NT5DC1: variants seen among roughly 807,000 people sequenced by gnomAD.
NT5DC1 encodes the protein 5'-nucleotidase domain-containing protein 1.
A neutral mutation model predicts 59.4 loss-of-function variants in NT5DC1; 42 were observed. The ratio of observed to expected loss-of-function variants is 0.71; its 90% CI spans 0.55 to 0.92. The LOEUF (loss-of-function observed/expected upper bound fraction) is 0.92. Among genes scored for constraint, NT5DC1 ranks in the 40% least tolerant of loss-of-function variants. The pLI, the probability that NT5DC1 is intolerant of heterozygous loss-of-function variation, is 0.00. For missense variants in NT5DC1, 501 were observed against 537.1 expected, an observed-to-expected ratio of 0.93 and a Z score of 0.66; for synonymous variants, 172 against 188.1, an observed-to-expected ratio of 0.91 and a Z score of 0.70.
At chr6:116,128,671 A>G (rs1377339409) in intron 6 of NT5DC1, among the ~76,000 whole-genome samples, 1 of 152,116 alleles carries the variant, frequency 6.6e-6, no homozygotes, top group Non-Finnish European at 1.5e-5. Flanking sequence ...CTATACCCTT[A>G]AAGTGTTTAC....
At chr6:116,208,178 A>C (rs1346645728) in intron 6 of NT5DC1, among the ~76,000 whole-genome samples, 1 of 151,984 alleles carries the variant, frequency 6.6e-6, no homozygotes, top group Non-Finnish European at 1.5e-5. Flanking sequence ...TCAAAGCTAG[A>C]GAAGTCAACT....
intron 8 of NT5DC1, among the ~76,000 whole-genome samples, chr6:116,235,036 T>G (rs77731268): frequency 1.8e-4 from 2 of 11,184 alleles, no homozygotes; most frequent in Non-Finnish European, 2.4e-4. Context: ...TTGATTTGGG[T>G]TTTTTTTTTT....
chr6:116,115,559 C>T, intron 4 of NT5DC1, 132 bp from the exon 5 acceptor site: 1 of 432,590 alleles, frequency 2.3e-6, no homozygotes, highest in Non-Finnish European at 4.2e-6. Flanking sequence ...AATAATGGTG[C>T]CACTTTGAAT....
At chr6:116,160,181 AAATGCCCAT>A (rs1349769988) in intron 6 of NT5DC1, among the ~76,000 whole-genome samples, 1 of 152,130 alleles carries the variant, frequency 6.6e-6, no homozygotes, top group Non-Finnish European at 1.5e-5. Context: ...GTTATTTGAG[AAATGCCCAT>A]AATGTTTTCC....
intron 6 of NT5DC1, among the ~76,000 whole-genome samples, chr6:116,213,385 G>A (rs1420417117): frequency 6.6e-6 from 1 of 152,090 alleles, no homozygotes; most frequent in Non-Finnish European, 1.5e-5. Flanking sequence ...GGTAGCCTCA[G>A]ATTGGTTGCA....
intron 6 of NT5DC1, among the ~76,000 whole-genome samples, chr6:116,171,326 G>A (rs1285702822): frequency 2.6e-5 from 4 of 152,058 alleles, no homozygotes; most frequent in Non-Finnish European, 4.4e-5. Flanking sequence ...GACTAGAAAA[G>A]CATTATTTTG....
rs780457083 is a variant in NT5DC1 at position 116,248,942 on chromosome 6, G to A, written c.*4918G>A. The A allele has an allele frequency of 6.6e-5, 10 of 152,166 alleles. No homozygotes were observed. The highest frequency in any genetic ancestry group is 1.3e-4 in the Non-Finnish European group (9 of 68,036). The allele number at this position is 152,166 out of a possible 1,614,324, so 9.4% of individuals were successfully genotyped here. A position where few individuals can be genotyped will look rare whatever the true frequency, so the allele number is the denominator to read the frequency against. On this transcript the variant is annotated 3_prime_UTR_variant, in exon 12 of 12. Transcript: ENST00000319550. ...TGCTAATCTGTAACAAATAAGTGGC[G>A]CCAGCCTATTACAGTGAATGCTATT... is the stretch of plus-strand genomic sequence containing the variant.
At chr6:116,178,094 CGCGCGCGCGT>C (rs1310523534) in intron 6 of NT5DC1, among the ~76,000 whole-genome samples, 7 of 93,336 alleles carry the variant, frequency 7.5e-5, no homozygotes, top group African/African-American at 1.7e-4. Flanking sequence ...TGTGTGCGCG[CGCGCGCGCGT>C]GCGTGCGTGT....
chr6:116,136,828 G>A (rs1318669895), intron 6 of NT5DC1, among the ~76,000 whole-genome samples: 2 of 152,126 alleles, frequency 1.3e-5, no homozygotes, highest in South Asian at 2.1e-4. Flanking sequence ...ATTCAGATAC[G>A]AAACAGAATA....
chr6:116,232,908 T>C (rs1466194968), intron 8 of NT5DC1, among the ~76,000 whole-genome samples: 4 of 152,242 alleles, frequency 2.6e-5, no homozygotes, highest in Admixed American at 6.5e-5. Context: ...TTTGCCTAAA[T>C]TGATGGCTCC....
rs763500298 is a variant in NT5DC1 at position 116,125,420 on chromosome 6, A to G, written c.529+7475A>G. 4 of 1,613,908 alleles carry G rather than the reference A, an allele frequency of 2.5e-6. No individual in the cohort carries two copies. In the South Asian group the frequency reaches 4.4e-5, roughly 18 times the overall value. On this transcript the variant is annotated intron_variant, in intron 6 of 11. Coordinates refer to ENST00000319550, the MANE Select transcript of NT5DC1 (RefSeq NM_152729.3). ...CCTTTTATGCCTGTGGGCATTTGGT[A>G]TCGTTCAGCGTAAAACACTCCATGA...
intron 6 of NT5DC1, among the ~76,000 whole-genome samples, chr6:116,194,638 C>A (rs977406687): frequency 1.3e-5 from 2 of 151,964 alleles, no homozygotes; most frequent in Non-Finnish European, 1.5e-5. Flanking sequence ...AATGTGAATT[C>A]TCTTTATTTC....
intron 6 of NT5DC1, among the ~76,000 whole-genome samples, chr6:116,166,682 A>G (rs1780477731): frequency 6.6e-6 from 1 of 152,216 alleles, no homozygotes; most frequent in Admixed American, 6.5e-5. Flanking sequence ...AGTGTATTTC[A>G]AAAGTTAATT....
At chr6:116,171,647 C>G (rs1266106152) in intron 6 of NT5DC1, among the ~76,000 whole-genome samples, 1 of 152,164 alleles carries the variant, frequency 6.6e-6, no homozygotes, top group Non-Finnish European at 1.5e-5. Flanking sequence ...GCTGAATTCT[C>G]TCTTTGGTAT....
intron 6 of NT5DC1, among the ~76,000 whole-genome samples, chr6:116,210,128 T>C (rs1297188787): frequency 6.6e-6 from 1 of 152,034 alleles, no homozygotes; most frequent in African/African-American, 2.4e-5. Flanking sequence ...AGAATGCATA[T>C]TGATGGATAC....
intron 6 of NT5DC1, among the ~76,000 whole-genome samples, chr6:116,127,302 C>T (rs566312798): frequency 6.6e-6 from 1 of 152,136 alleles, no homozygotes; most frequent in East Asian, 1.9e-4. Flanking sequence ...TAAACAAAGC[C>T]TTGTATAGCC....
Position 116,120,910 on chromosome 6 carries a change from G to C in NT5DC1, c.529+2965G>C, listed in dbSNP as rs574310746. On this transcript the variant is annotated intron_variant, in intron 6 of 11. Coordinates refer to ENST00000319550, the MANE Select transcript of NT5DC1 (RefSeq NM_152729.3). ...CACCTTTTGGACCTGGTAACCCTGGGTTACCCTTAGGACCATCGAGACCTG... is the reference window on the plus strand; with the variant it reads ...CACCTTTTGGACCTGGTAACCCTGGCTTACCCTTAGGACCATCGAGACCTG... 6 of 1,613,942 alleles carry C rather than the reference G, an allele frequency of 3.7e-6. No homozygotes were observed. In the African/African-American group the frequency reaches 6.7e-5, roughly 18 times the overall value.
chr6:116,182,968 GT>G (rs1472893456), intron 6 of NT5DC1, among the ~76,000 whole-genome samples: 2 of 151,954 alleles, frequency 1.3e-5, no homozygotes, highest in African/African-American at 4.8e-5. Flanking sequence ...GTCTAGAAGG[GT>G]TTTTCCACTG....
chr6:116,103,728 CTGAG>C (rs1778709328), intron 1 of NT5DC1, among the ~76,000 whole-genome samples: 1 of 152,020 alleles, frequency 6.6e-6, no homozygotes, highest in Non-Finnish European at 1.5e-5. Context: ...AAACACAGAA[CTGAG>C]TGTGTCCCCC....
Sources: gnomAD v4.1 joint callset for allele counts (sites outside exome capture counted in the v4.1 genomes callset) on GRCh38, gnomAD v4.1.1 for gene constraint, MANE v1.5 for transcripts, NCBI Gene and HGNC (gene_info 2026-07-23, HGNC 2026-07-21) for gene names.